Variants in FAAH2 observed in about 807,000 individuals in gnomAD.
The protein encoded by FAAH2 is fatty acid amide hydrolase 2.
In FAAH2, 60 loss-of-function variants were observed where a neutral mutation model predicts 36.9. The ratio of observed to expected loss-of-function variants is 1.63; its 90% confidence interval spans 1.32 to 2.02. The LOEUF is 2.02. Ranked by LOEUF, FAAH2 falls within the 30% of genes most tolerant of loss-of-function variation. The pLI is 0.00. For missense variants in FAAH2, 689 were observed against 397.5 expected (o/e 1.73, Z -6.23); for synonymous variants, 214 against 143.8 (o/e 1.49, Z -3.49).
chrX:57,443,918 C>T (rs1288150032), intron 8 of FAAH2, among the ~76,000 whole-genome samples: 3 of 112,109 alleles, frequency 2.7e-5, no homozygotes, highest in African/African-American at 9.7e-5. Flanking sequence ...GCAGAGGCTG[C>T]AGAACAGCAA....
intron 7 of FAAH2, among the ~76,000 whole-genome samples, chrX:57,409,652 T>G (rs1251904726): frequency 9.0e-6 from 1 of 111,288 alleles, no homozygotes; most frequent in Non-Finnish European, 1.9e-5. Flanking sequence ...TTTCTAGGAA[T>G]TTACTTATTT....
chrX:57,467,975 C>T (rs1204999099), intron 10 of FAAH2, among the ~76,000 whole-genome samples: 3 of 111,793 alleles, frequency 2.7e-5, no homozygotes, highest in Non-Finnish European at 5.6e-5. Context: ...GTTGCTGATA[C>T]CAAGGCAAAC....
At chrX:57,175,764 G>A in the FAAH2 span, among the ~76,000 whole-genome samples, 3 of 111,526 alleles carry the variant, frequency 2.7e-5, no homozygotes, top group Non-Finnish European at 5.7e-5. Context: ...GGCTGATCTA[G>A]TGTTGATGGA....
the FAAH2 span, among the ~76,000 whole-genome samples, chrX:57,254,956 A>T: frequency 1.8e-5 from 2 of 111,608 alleles, no homozygotes; most frequent in African/African-American, 3.3e-5. Context: ...ACACAAAAAA[A>T]CCCTGAAAAA....
the FAAH2 span, among the ~76,000 whole-genome samples, chrX:57,198,365 G>A: frequency 9.0e-6 from 1 of 111,659 alleles, no homozygotes; most frequent in South Asian, 3.8e-4. Context: ...AAAGCTGGAT[G>A]TTACAGGCCT....
the FAAH2 span, among the ~76,000 whole-genome samples, chrX:57,186,218 C>A: frequency 8.9e-6 from 1 of 111,799 alleles, no homozygotes; most frequent in African/African-American, 3.2e-5. Flanking sequence ...TCCTCCACAT[C>A]CTGCCGGCAT....
rs1249354400 is a variant in FAAH2, at chrX:57,310,730, G to A, written c.412+1G>A. 1 of 1,185,546 alleles carries A rather than the reference G, an allele frequency of 8.4e-7. No individual in the cohort carries two copies. The stretch of plus-strand genomic sequence containing the variant: ...GTCAAGGAAGCTTTCCAGCTACAAG[G>A]TACTATTCTTTTATTTTTGGCTACA... On this transcript the variant is annotated splice_donor_variant, in intron 3 of 10. Coordinates refer to ENST00000374900, the MANE Select transcript of FAAH2 (RefSeq NM_174912.4). LOFTEE classifies it high-confidence loss of function.
intron 10 of FAAH2, among the ~76,000 whole-genome samples, chrX:57,478,756 A>G (rs2057320548): frequency 2.7e-5 from 3 of 111,917 alleles, no homozygotes; most frequent in Non-Finnish European, 5.6e-5. Flanking sequence ...TCCTTTCCAT[A>G]TTTCTTGCTT....
intron 7 of FAAH2, among the ~76,000 whole-genome samples, chrX:57,401,357 A>AAAGG (rs1472093539): frequency 9.0e-6 from 1 of 111,327 alleles, no homozygotes; most frequent in Non-Finnish European, 1.9e-5. Flanking sequence ...AAGGATCTTC[A>AAAGG]AAGGCAAACA....
At chrX:57,314,614 A>G (rs1441524382) in intron 3 of FAAH2, among the ~76,000 whole-genome samples, 1 of 111,657 alleles carries the variant, frequency 9.0e-6, no homozygotes, top group Non-Finnish European at 1.9e-5. Context: ...CAACTTTCTC[A>G]TGAAAAACTC....
At chrX:57,164,446 C>A in the FAAH2 span, among the ~76,000 whole-genome samples, 1 of 111,624 alleles carries the variant, frequency 9.0e-6, no homozygotes, top group East Asian at 2.8e-4. Context: ...TTTATAAGTA[C>A]AATACGAACT....
chrX:57,407,494 C>T (rs1231500894), intron 7 of FAAH2, among the ~76,000 whole-genome samples: 1 of 112,051 alleles, frequency 8.9e-6, no homozygotes, highest in Admixed American at 9.4e-5. Context: ...CCTAACCTGT[C>T]CATGGAACTC....
At chrX:57,233,222 A>G in the FAAH2 span, among the ~76,000 whole-genome samples, 1 of 111,609 alleles carries the variant, frequency 9.0e-6, no homozygotes, top group African/African-American at 3.3e-5. Flanking sequence ...GTCACGTGAT[A>G]GATAGTGTGG....
chrX:57,163,338 G>T, the FAAH2 span, among the ~76,000 whole-genome samples: 3 of 112,174 alleles, frequency 2.7e-5, no homozygotes, highest in Non-Finnish European at 5.6e-5. Flanking sequence ...TGCCCCCAGA[G>T]GTGGAGCCTA....
chrX:57,330,862 G>A (rs1258416330), intron 3 of FAAH2, among the ~76,000 whole-genome samples: 3 of 110,744 alleles, frequency 2.7e-5, no homozygotes, highest in Non-Finnish European at 5.7e-5. Flanking sequence ...TCTGTTCCAG[G>A]ACTTTGCAGG....
At chrX:57,432,093 T>A in intron 8 of FAAH2, 56 bp downstream of exon 8, 1 of 1,047,171 alleles carries the variant, frequency 9.5e-7, no homozygotes, top group Non-Finnish European at 1.3e-6. Flanking sequence ...TTTATTGAGC[T>A]TCTATTGTGG....
chrX:57,216,547 T>A, the FAAH2 span, among the ~76,000 whole-genome samples: 2 of 60,239 alleles, frequency 3.3e-5, no homozygotes, highest in African/African-American at 2.2e-4. Context: ...TATATACGTA[T>A]ATGTATATAT....
At chrX:57,378,849 T>C (rs1001398236) in intron 6 of FAAH2, 63 bp downstream of exon 6, 2 of 1,133,280 alleles carry the variant, frequency 1.8e-6, no homozygotes, top group African/African-American at 3.6e-5. Context: ...TCTTTGTTTA[T>C]TAGTGTCATA....
At chrX:57,356,115 A>G (rs1201243140) in intron 5 of FAAH2, among the ~76,000 whole-genome samples, 2 of 110,819 alleles carry the variant, frequency 1.8e-5, no homozygotes, top group Non-Finnish European at 3.8e-5. Flanking sequence ...GTTTCATTCC[A>G]GCAATACATT....
Sources: gnomAD v4.1 joint callset for allele counts (sites outside exome capture counted in the v4.1 genomes callset) on GRCh38, gnomAD v4.1.1 for gene constraint, MANE v1.5 for transcripts, NCBI Gene and HGNC (gene_info 2026-07-23, HGNC 2026-07-21) for gene names.